The following ADAMTS17 variants were observed in gnomAD, a reference collection of about 807,000 sequenced individuals.
The protein encoded by ADAMTS17 is A disintegrin and metalloproteinase with thrombospondin motifs 17.
In ADAMTS17, 113 loss-of-function variants were observed where a neutral mutation model predicts 141.5. That is an observed-to-expected ratio of 0.80 (90% CI 0.69 to 0.93). The LOEUF (loss-of-function observed/expected upper bound fraction) is 0.93, where lower values mean the gene tolerates loss of function less well. Among genes scored for constraint, ADAMTS17 ranks in the 40% least tolerant of loss-of-function variants. The pLI is 0.00. For missense variants in ADAMTS17, 1,659 were observed against 1,517.9 expected, an observed-to-expected ratio of 1.09 and a Z score of -1.54; for synonymous variants, 768 against 630.6, an observed-to-expected ratio of 1.22 and a Z score of -3.27.
chr15:99,995,460 C>T (rs746214336), intron 19 of ADAMTS17, among the ~76,000 whole-genome samples: 1 of 152,214 alleles, frequency 6.6e-6, no homozygotes, highest in Non-Finnish European at 1.5e-5. Context: ...GAGGACGGCT[C>T]CAGCTCCAAA....
In ADAMTS17 at chr15:100,053,909, C is replaced by A. The variant is rs530478516; in HGVS notation, c.2283G>T (p.Pro761=). ...KISAKGPTKL[P]LHLMVLLFHD... ...CCCAGCAAGTTACCATCAAGTGCAG[C>A]GGTAGTTTGGTTGGTCCCTTGGCAG... Residue 761 remains proline (P), a synonymous_variant, in exon 16 of 22, where the codon CCG becomes CCT. Coordinates refer to ENST00000268070, the MANE Select transcript of ADAMTS17 (RefSeq NM_139057.4). 5 of 1,614,186 alleles carry A rather than the reference C, an allele frequency of 3.1e-6. No individual in the cohort carries two copies. The highest frequency in any genetic ancestry group is 4.2e-6 in the Non-Finnish European group (5 of 1,180,040).
chr15:100,047,460 T>A (rs1044030773), intron 18 of ADAMTS17, among the ~76,000 whole-genome samples: 1 of 151,820 alleles, frequency 6.6e-6, no homozygotes, highest in African/African-American at 2.4e-5. Context: ...CCTGCTGACA[T>A]GTGATGTCTC....
intron 7 of ADAMTS17, among the ~76,000 whole-genome samples, chr15:100,244,378 C>T (rs1244431895): frequency 1.4e-5 from 2 of 147,680 alleles, no homozygotes; most frequent in Non-Finnish European, 3.0e-5. Context: ...CAGAGCCAAT[C>T]TTGTCCACCA....
chr15:100,324,292 G>T (rs1477018541), intron 3 of ADAMTS17, among the ~76,000 whole-genome samples: 1 of 152,072 alleles, frequency 6.6e-6, no homozygotes, highest in Non-Finnish European at 1.5e-5. Flanking sequence ...GTGACAGAGT[G>T]AGACTCCGTC....
In ADAMTS17 at chr15:100,096,448, G is replaced by C. The variant is rs777181127; in HGVS notation, c.2045C>G (p.Ser682Cys). The change falls in exon 15 of 22, where the codon TCT (serine) becomes TGT (cysteine). Residue 682 changes from serine (S) to cysteine (C), a missense_variant. Transcript: ENST00000268070. ...QKIGCDGIIG[S>C]AAKEDRCGVC... is the part of the protein sequence containing the mutation. ...CCCGCATCTGTCCTCTTTGGCTGCA[G>C]ACCCGATGATGCCGTCACAGCCGAT... 6.2e-7 allele frequency: 1 copy of C among 1,614,140 alleles called. No individual in the cohort carries two copies. The highest frequency in any genetic ancestry group is 8.5e-7 in the Non-Finnish European group (1 of 1,180,034).
At chr15:100,056,936 G>A (rs1328851004) in intron 15 of ADAMTS17, among the ~76,000 whole-genome samples, 2 of 152,106 alleles carry the variant, frequency 1.3e-5, no homozygotes, top group African/African-American at 4.8e-5. Context: ...GCCTGGGAAT[G>A]TTGTGGGACG....
intron 14 of ADAMTS17, among the ~76,000 whole-genome samples, chr15:100,102,036 G>A (rs2036131482): frequency 1.3e-5 from 2 of 152,152 alleles, no homozygotes; most frequent in Admixed American, 6.5e-5. Flanking sequence ...TGTAACTTCT[G>A]CAGAACGCAT....
At chr15:100,085,102 T>C (rs2035010996) in intron 15 of ADAMTS17, among the ~76,000 whole-genome samples, 1 of 151,846 alleles carries the variant, frequency 6.6e-6, no homozygotes, top group African/African-American at 2.4e-5. Flanking sequence ...TGAAAAAATA[T>C]TAGATGAATG....
chr15:100,074,450 T>A (rs1196903631), intron 15 of ADAMTS17, among the ~76,000 whole-genome samples: 1 of 152,116 alleles, frequency 6.6e-6, no homozygotes, highest in Non-Finnish European at 1.5e-5. Flanking sequence ...AAGGTTGAAT[T>A]TTACTGCATG....
chr15:100,328,535 A>G (rs2045958931), intron 3 of ADAMTS17, among the ~76,000 whole-genome samples: 1 of 152,136 alleles, frequency 6.6e-6, no homozygotes, highest in Non-Finnish European at 1.5e-5. Context: ...AGGGAAGGAG[A>G]GATTGTATTT....
At chr15:100,283,380 C>T (rs1434168761) in intron 3 of ADAMTS17, among the ~76,000 whole-genome samples, 2 of 152,212 alleles carry the variant, frequency 1.3e-5, no homozygotes, top group Admixed American at 6.5e-5. Flanking sequence ...CCACACTCAC[C>T]AGCCAGGTTA....
At chr15:100,296,643 G>A (rs543009454) in intron 3 of ADAMTS17, among the ~76,000 whole-genome samples, 10 of 152,030 alleles carry the variant, frequency 6.6e-5, no homozygotes, top group South Asian at 6.2e-4. Flanking sequence ...GTGCATTTAC[G>A]ATATATGATT....
At chr15:100,307,305 A>C (rs12101363) in intron 3 of ADAMTS17, among the ~76,000 whole-genome samples, 21,254 of 151,920 alleles carry the variant, frequency 0.14, 1,790 homozygotes, top group African/African-American at 0.24. Flanking sequence ...TCCTTTCACA[A>C]AGTTTGGTGT....
At chr15:100,167,746 G>A (rs1567293664) in intron 8 of ADAMTS17, among the ~76,000 whole-genome samples, 2 of 152,212 alleles carry the variant, frequency 1.3e-5, no homozygotes, top group Admixed American at 6.5e-5. Context: ...AATTCAATGC[G>A]GCAGAGCAAG....
intron 8 of ADAMTS17, among the ~76,000 whole-genome samples, chr15:100,171,536 T>C (rs1455958417): frequency 1.3e-5 from 2 of 152,184 alleles, no homozygotes; most frequent in Non-Finnish European, 2.9e-5. Flanking sequence ...CCTTTGCTCA[T>C]GCCTTTGCCC....
At chr15:100,034,472 C>G (rs965180409) in intron 18 of ADAMTS17, among the ~76,000 whole-genome samples, 1 of 152,216 alleles carries the variant, frequency 6.6e-6, no homozygotes. Context: ...GCCTGGGAAG[C>G]ACCTGCCACT....
At chr15:100,000,489 C>A (rs563516762) in intron 18 of ADAMTS17, among the ~76,000 whole-genome samples, 2 of 152,264 alleles carry the variant, frequency 1.3e-5, no homozygotes, top group Non-Finnish European at 2.9e-5. Flanking sequence ...GGACAATAAG[C>A]ACACACATAC....
intron 2 of ADAMTS17, among the ~76,000 whole-genome samples, chr15:100,333,789 T>A (rs2046126551): frequency 6.6e-6 from 1 of 152,202 alleles, no homozygotes; most frequent in South Asian, 2.1e-4. Context: ...TTGATGGCGA[T>A]GAAGAAACAC....
intron 4 of ADAMTS17, among the ~76,000 whole-genome samples, chr15:100,266,932 G>T (rs1309497844): frequency 6.6e-6 from 1 of 152,154 alleles, no homozygotes; most frequent in Non-Finnish European, 1.5e-5. Flanking sequence ...AGGGTCCCTA[G>T]CACACACTAA....
Sources: allele counts gnomAD v4.1 joint callset (sites outside exome capture counted in the v4.1 genomes callset), GRCh38; gene constraint gnomAD v4.1.1; transcripts MANE v1.5; gene names NCBI Gene and HGNC (gene_info 2026-07-23, HGNC 2026-07-21).